The following IL23R variants were observed in gnomAD, a reference collection of about 807,000 sequenced individuals.
IL23R encodes the protein interleukin-23 receptor.
Under a neutral mutation model 56.9 loss-of-function variants are expected in IL23R, and 34 were observed. The ratio of observed to expected loss-of-function variants is 0.60; its 90% CI spans 0.45 to 0.80. IL23R has a LOEUF of 0.80. IL23R is among the 30% of genes least tolerant of loss of function. The pLI is 0.00. For missense variants in IL23R, 635 were observed against 730.0 expected (o/e 0.87, Z 1.50); for synonymous variants, 230 against 249.2 (o/e 0.92, Z 0.73).
intron 3 of IL23R, among the ~76,000 whole-genome samples, chr1:67,173,894 C>A (rs1646976661): frequency 6.6e-6 from 1 of 152,076 alleles, no homozygotes; most frequent in African/African-American, 2.4e-5. Flanking sequence ...TTAAATGAAA[C>A]CACTAATTGA....
At chr1:67,163,708 C>T (rs1646844623), upstream of IL23R, among the ~76,000 whole-genome samples, 1 of 152,036 alleles carries the variant, frequency 6.6e-6, no homozygotes, top group Non-Finnish European at 1.5e-5. Context: ...CTTGCTCCTG[C>T]TCTCTCCATG....
chr1:67,183,263 C>T (rs1647182646), intron 4 of IL23R, among the ~76,000 whole-genome samples: 1 of 152,326 alleles, frequency 6.6e-6, no homozygotes, highest in South Asian at 2.1e-4. Context: ...AGGACGGGCA[C>T]AGTGGCTCAC....
chr1:67,167,983 C>T, intron 1 of IL23R, 109 bp from the exon 2 acceptor site: 1 of 662,382 alleles, frequency 1.5e-6, no homozygotes, highest in Non-Finnish European at 2.7e-6. Context: ...TTCTTCCTCC[C>T]TAATCAAAGG....
chr1:67,201,049 C>A (rs956403480), intron 5 of IL23R, 152 bp downstream of exon 5: 4 of 744,944 alleles, frequency 5.4e-6, no homozygotes, highest in African/African-American at 1.8e-5. Flanking sequence ...CTGCCCAAGA[C>A]AACTTAGAGA....
intron 1 of IL23R, among the ~76,000 whole-genome samples, chr1:67,159,926 A>T (rs1360424514): frequency 2.6e-5 from 4 of 152,240 alleles, no homozygotes; most frequent in Non-Finnish European, 5.9e-5. Context: ...ATACACCTGC[A>T]GGGACTGAAT....
chr1:67,222,750 C>G lies in IL23R; in HGVS notation c.955+3020C>G, dbSNP rs790636. Among the ~76,000 whole-genome samples the G allele has an allele frequency of 6.8e-3, 1,041 of 152,234 alleles. 14 individuals are homozygous for G. The highest frequency in any genetic ancestry group is 0.024 in the African/African-American group (1,011 of 41,520). On this transcript the variant is annotated intron_variant, in intron 7 of 10. Coordinates refer to ENST00000347310, the MANE Select transcript of IL23R (RefSeq NM_144701.3). ...ATAGTACATTGCTGGTGGGTAATGA[C>G]ACCTAAACTATAACAAAACTTTTCT...
upstream of IL23R, among the ~76,000 whole-genome samples, chr1:67,164,231 C>T (rs539090763): frequency 2.6e-5 from 4 of 152,212 alleles, no homozygotes; most frequent in African/African-American, 9.6e-5. Flanking sequence ...CACGGTGACT[C>T]ACGCCTGTAA....
chr1:67,236,009 AT>A (rs1021408864), intron 7 of IL23R, among the ~76,000 whole-genome samples: 2 of 152,164 alleles, frequency 1.3e-5, no homozygotes, highest in African/African-American at 4.8e-5. Flanking sequence ...TCAGCTTTTA[AT>A]TATCAGGAAG....
At chr1:67,206,862 G>C in intron 5 of IL23R, 48 bp from the exon 6 acceptor site, 1 of 1,511,284 alleles carries the variant, frequency 6.6e-7, no homozygotes, top group South Asian at 1.3e-5. Context: ...TTTCTCCCTA[G>C]GCAAGTTTTA....
At chr1:67,254,305 G>A (rs1432188347) in intron 9 of IL23R, among the ~76,000 whole-genome samples, 1 of 152,062 alleles carries the variant, frequency 6.6e-6, no homozygotes, top group Non-Finnish European at 1.5e-5. Context: ...TTGGCCTCAA[G>A]TGATCTGCCT....
chr1:67,253,003 T>C (rs1652733908), intron 9 of IL23R, among the ~76,000 whole-genome samples: 1 of 152,180 alleles, frequency 6.6e-6, no homozygotes, highest in Non-Finnish European at 1.5e-5. Flanking sequence ...AGTCAGGTTT[T>C]CACTCTTGTC....
chr1:67,252,486 A>C (rs1320274667), intron 9 of IL23R, among the ~76,000 whole-genome samples: 3 of 152,206 alleles, frequency 2.0e-5, no homozygotes, highest in African/African-American at 7.2e-5. Flanking sequence ...ATTTGCTCAA[A>C]GAAACTTGGA....
chr1:67,189,804 C>T (rs1647610610), intron 4 of IL23R, among the ~76,000 whole-genome samples: 1 of 151,934 alleles, frequency 6.6e-6, no homozygotes, highest in South Asian at 2.1e-4. Context: ...ACAAAAAATA[C>T]AAAAACTAGC....
chr1:67,142,727 G>T (rs547924864), intron 1 of IL23R, among the ~76,000 whole-genome samples: 2 of 151,948 alleles, frequency 1.3e-5, no homozygotes, highest in Admixed American at 6.6e-5. Context: ...CACCAAGCCC[G>T]GCCAATTTTT....
chr1:67,253,346 T>C (rs1399500377), intron 9 of IL23R, among the ~76,000 whole-genome samples: 1 of 152,182 alleles, frequency 6.6e-6, no homozygotes, highest in Non-Finnish European at 1.5e-5. Flanking sequence ...TACTGATGCA[T>C]TGAGTATTTC....
intron 7 of IL23R, among the ~76,000 whole-genome samples, chr1:67,222,515 A>G (rs1389248281): frequency 6.6e-6 from 1 of 152,194 alleles, no homozygotes; most frequent in South Asian, 2.1e-4. Flanking sequence ...TGGACTTTAG[A>G]TGCCATTTTA....
At chr1:67,187,624 G>A (rs1469430061) in intron 4 of IL23R, among the ~76,000 whole-genome samples, 1 of 152,164 alleles carries the variant, frequency 6.6e-6, no homozygotes, top group African/African-American at 2.4e-5. Context: ...TACTCAAAAA[G>A]TCACTCTGAA....
chr1:67,243,971 CTT>C lies in IL23R; in HGVS notation c.1148+3691_1148+3692del, dbSNP rs544457776. 4.9e-3 allele frequency among the ~76,000 whole-genome samples: 743 copies of C among 152,168 alleles called. 4 individuals are homozygous for C. The highest frequency in any genetic ancestry group is 0.044 in the Middle Eastern group (13 of 294). ...TTTCTCCACAGCCTTGCCAGCGTCT[CTT>C]GTTTCCTGACTTTTTAATGATCTCC... is the stretch of plus-strand genomic sequence containing the variant. On this transcript the variant is annotated intron_variant, in intron 9 of 10. Transcript: ENST00000347310.
intron 5 of IL23R, among the ~76,000 whole-genome samples, chr1:67,206,639 G>C (rs1437340937): frequency 6.6e-6 from 1 of 151,184 alleles, no homozygotes; most frequent in East Asian, 1.9e-4. Context: ...GATTGTAAGG[G>C]AGTGAAAGGT....
Sources: allele counts gnomAD v4.1 joint callset (sites outside exome capture counted in the v4.1 genomes callset), GRCh38; gene constraint gnomAD v4.1.1; transcripts MANE v1.5; gene names NCBI Gene and HGNC (gene_info 2026-07-23, HGNC 2026-07-21).